Variants in DNAJB1 observed in about 807,000 individuals in gnomAD.
The protein encoded by DNAJB1 is DnaJ heat shock protein family (Hsp40) member B1.
DNAJB1 carries 14 observed loss-of-function variants against 24.0 expected under a neutral mutation model. The observed-to-expected ratio is 0.58, with a 90% CI of 0.39 to 0.91. The LOEUF is 0.91. Ranked by LOEUF, DNAJB1 falls within the 40% of genes least tolerant of loss-of-function variation. The probability of loss-of-function intolerance (pLI) is 0.00; values close to 1 mark genes in which losing one functional copy is unlikely to be tolerated. For synonymous variants in DNAJB1, 262 were observed against 174.4 expected (o/e 1.50, Z -3.96); for missense variants, 517 against 458.1 (o/e 1.13, Z -1.17).
intron 1 of DNAJB1, among the ~76,000 whole-genome samples, chr19:14,558,482 C>T (rs984670319): frequency 3.3e-5 from 5 of 152,162 alleles, no homozygotes; most frequent in African/African-American, 4.8e-5. Context: ...CGTGCTGCGA[C>T]GAGTTGCTGT....
upstream of DNAJB1, among the ~76,000 whole-genome samples, chr19:14,552,191 A>G (rs2073550500): frequency 8.4e-6 from 1 of 119,032 alleles, no homozygotes; most frequent in Non-Finnish European, 1.7e-5. Context: ...TTTTTTTGAG[A>G]TAGCGTGTCT....
At chr19:14,553,891 C>CT (rs1201313095), upstream of DNAJB1, among the ~76,000 whole-genome samples, 4 of 152,224 alleles carry the variant, frequency 2.6e-5, no homozygotes, top group African/African-American at 9.6e-5. Flanking sequence ...CCCTTTGTGT[C>CT]TTTACCTGGG....
upstream of DNAJB1, chr19:14,529,556 G>T: frequency 7.6e-7 from 1 of 1,311,088 alleles, no homozygotes. Context: ...CCGACGGGGC[G>T]CGCGCGGCCT....
chr19:14,517,301 G>A, intron 1 of DNAJB1: 1 of 488,322 alleles, frequency 2.0e-6, no homozygotes, highest in Non-Finnish European at 3.7e-6. Flanking sequence ...TGCCACCTAG[G>A]CCCTGCCACT....
chr19:14,522,860 A>G (rs1456566663), upstream of DNAJB1, among the ~76,000 whole-genome samples: 1 of 152,088 alleles, frequency 6.6e-6, no homozygotes, highest in African/African-American at 2.4e-5. Context: ...TACGTGTGTG[A>G]TCTTCCACAG....
intron 1 of DNAJB1, among the ~76,000 whole-genome samples, chr19:14,542,982 C>T (rs912221615): frequency 6.6e-6 from 1 of 150,428 alleles, no homozygotes; most frequent in African/African-American, 2.5e-5. Context: ...CTGGGTCCTT[C>T]CAAATTCTTT....
At chr19:14,529,771 G>A, upstream of DNAJB1, 1 of 1,612,064 alleles carries the variant, frequency 6.2e-7, no homozygotes, top group South Asian at 1.1e-5. Flanking sequence ...TTCCTTCTTT[G>A]CGGGACCACG....
intron 1 of DNAJB1, among the ~76,000 whole-genome samples, chr19:14,547,408 TG>T (rs1358136101): frequency 6.6e-6 from 1 of 152,178 alleles, no homozygotes; most frequent in Non-Finnish European, 1.5e-5. Flanking sequence ...TTGCCCAGGC[TG>T]GAGTGCAGTG....
At chr19:14,550,495 C>T (rs532529267), upstream of DNAJB1, among the ~76,000 whole-genome samples, 13 of 151,960 alleles carry the variant, frequency 8.6e-5, no homozygotes, top group Non-Finnish European at 1.6e-4. Flanking sequence ...CTTCCTGGTC[C>T]GACAGCGCCT....
chr19:14,525,271 T>C (rs1388795577), intron 2 of DNAJB1, among the ~76,000 whole-genome samples: 1 of 152,158 alleles, frequency 6.6e-6, no homozygotes, highest in African/African-American at 2.4e-5. Flanking sequence ...TAATGTTCAT[T>C]TCCTGGCTCC....
upstream of DNAJB1, among the ~76,000 whole-genome samples, chr19:14,521,858 G>A (rs753138495): frequency 6.6e-6 from 1 of 152,204 alleles, no homozygotes; most frequent in Non-Finnish European, 1.5e-5. Flanking sequence ...CTGACCTCAG[G>A]TGATCAACAC....
chr19:14,556,590 T>C (rs1244586053), intron 1 of DNAJB1, among the ~76,000 whole-genome samples: 1 of 151,966 alleles, frequency 6.6e-6, no homozygotes, highest in Non-Finnish European at 1.5e-5. Flanking sequence ...TTTTTTTCAC[T>C]GCCATATCCC....
chr19:14,536,406 A>G (rs1002934007), intron 1 of DNAJB1, among the ~76,000 whole-genome samples: 2 of 151,316 alleles, frequency 1.3e-5, no homozygotes, highest in African/African-American at 4.9e-5. Context: ...AGTAGCTGGG[A>G]TTACAGGCGC....
chr19:14,518,455 CAG>C, upstream of DNAJB1: 1 of 935,448 alleles, frequency 1.1e-6, no homozygotes, highest in Non-Finnish European at 1.4e-6. Flanking sequence ...CAGAGCCCGC[CAG>C]CCCCCTCCAG....
chr19:14,524,241 C>T (rs550914500), intron 2 of DNAJB1, among the ~76,000 whole-genome samples: 1 of 152,160 alleles, frequency 6.6e-6, no homozygotes, highest in Non-Finnish European at 1.5e-5. Context: ...GAAAAAAAGA[C>T]CTTCAGGCCA....
chr19:14,517,134 A>G (rs1296410384), intron 1 of DNAJB1, 88 bp from the exon 2 acceptor site: 1 of 1,396,874 alleles, frequency 7.2e-7, no homozygotes, highest in Non-Finnish European at 9.6e-7. Context: ...CTTGGAAGCC[A>G]TGGGGGAGGA....
chr19:14,518,386 TCCCC>T lies in DNAJB1; in HGVS notation c.-41_-38del. The T allele has an allele frequency of 6.6e-7, 1 of 1,511,958 alleles. No homozygotes were observed. Among genetic ancestry groups the T allele is most frequent in the Non-Finnish European group, 8.8e-7 (1 of 1,140,068 alleles). 93.7% of individuals were successfully genotyped at this position (1,511,958 alleles called of 1,614,324 possible). ...GCGGCCCGCCGACCCGCTGTCGCCG[TCCCC>T]CGGCTCCGCCGCCGACCAGTCCCGG... is the stretch of plus-strand genomic sequence containing the variant. On this transcript the variant is annotated 5_prime_UTR_variant, in exon 1 of 3. Transcript: ENST00000254322.
chr19:14,534,062 C>T (rs2072770657), upstream of DNAJB1: 1 of 152,102 alleles, frequency 6.6e-6, no homozygotes, highest in Non-Finnish European at 1.5e-5. Flanking sequence ...TGCCCATTTC[C>T]CGCAGCTGAA....
upstream of DNAJB1, among the ~76,000 whole-genome samples, chr19:14,520,354 C>G (rs2072346097): frequency 6.6e-6 from 1 of 152,178 alleles, no homozygotes; most frequent in Non-Finnish European, 1.5e-5. Context: ...GCGGGAGGAT[C>G]TCTTGAGCCC....
Sources: gnomAD v4.1 joint callset for allele counts (sites outside exome capture counted in the v4.1 genomes callset) on GRCh38, gnomAD v4.1.1 for gene constraint, MANE v1.5 for transcripts, NCBI Gene and HGNC (gene_info 2026-07-23, HGNC 2026-07-21) for gene names.